Variants in DENND2B observed in about 807,000 individuals in gnomAD.
DENND2B encodes the protein DENN domain-containing protein 2B.
DENND2B carries 32 observed loss-of-function variants against 116.0 expected under a neutral mutation model. The ratio of observed to expected loss-of-function variants is 0.28; its 90% confidence interval spans 0.21 to 0.37. The LOEUF is 0.37. Ranked by LOEUF, DENND2B falls within the 10% of genes least tolerant of loss-of-function variation. DENND2B has a pLI of 1.00. For missense variants in DENND2B, 1,276 were observed against 1,477.7 expected (o/e 0.86, Z 2.24); for synonymous variants, 588 against 583.9 (o/e 1.01, Z -0.10).
chr11:8,856,369 G>A lies in DENND2B; in HGVS notation c.-156+974C>T, dbSNP rs555572956. ...TGCTGACTTTCAAAGTGTTTTGTTA[G>A]AGATGGAAAAAGATTTCTGGGTATG... is the stretch of plus-strand genomic sequence containing the variant. On this transcript the variant is annotated intron_variant, in intron 3 of 6. Transcript: ENST00000524757. Among the ~76,000 whole-genome samples the A allele has an allele frequency of 1.8e-3, 280 of 152,288 alleles. 1 individual carries two copies. Among genetic ancestry groups the A allele is most frequent in the African/African-American group, 6.5e-3 (270 of 41,556 alleles).
chr11:8,816,073 C>T (rs1414236713), intron 4 of DENND2B, among the ~76,000 whole-genome samples: 1 of 152,202 alleles, frequency 6.6e-6, no homozygotes, highest in Non-Finnish European at 1.5e-5. Context: ...TCATTCCTTA[C>T]TTTGGGATCA....
At chr11:8,723,379 G>T (rs1311420571) in intron 4 of DENND2B, among the ~76,000 whole-genome samples, 2 of 152,160 alleles carry the variant, frequency 1.3e-5, no homozygotes, top group Non-Finnish European at 2.9e-5. Context: ...ACCATCCAGG[G>T]CTCTGTTCAG....
At chr11:8,884,605 A>G (rs1331180586) in intron 1 of DENND2B, among the ~76,000 whole-genome samples, 2 of 152,226 alleles carry the variant, frequency 1.3e-5, no homozygotes, top group Non-Finnish European at 2.9e-5. Flanking sequence ...CGATGGTTAC[A>G]GGACCAGGCA....
At chr11:8,889,730 A>G (rs559601526) in intron 1 of DENND2B, among the ~76,000 whole-genome samples, 4 of 152,304 alleles carry the variant, frequency 2.6e-5, no homozygotes, top group Non-Finnish European at 5.9e-5. Flanking sequence ...TGAGTAGGTA[A>G]ACAAAGCGGC....
intron 1 of DENND2B, among the ~76,000 whole-genome samples, chr11:8,760,042 G>C (rs2054325613): frequency 6.6e-6 from 1 of 152,166 alleles, no homozygotes; most frequent in South Asian, 2.1e-4. Context: ...AATTCCTGTG[G>C]AAAAGCTCCC....
At chr11:8,847,560 A>G (rs952910268) in intron 3 of DENND2B, among the ~76,000 whole-genome samples, 1 of 152,230 alleles carries the variant, frequency 6.6e-6, no homozygotes, top group Non-Finnish European at 1.5e-5. Context: ...GCAGTCAAAG[A>G]AAACAAAGCT....
chr11:8,805,030 C>CTTGA (rs1404937705), intron 1 of DENND2B, among the ~76,000 whole-genome samples: 5 of 152,306 alleles, frequency 3.3e-5, no homozygotes, highest in African/African-American at 1.2e-4. Context: ...TTAATCCTTA[C>CTTGA]CACAACTCTA....
chr11:8,740,902 A>G (rs1315101970), intron 2 of DENND2B, among the ~76,000 whole-genome samples: 1 of 152,196 alleles, frequency 6.6e-6, no homozygotes, highest in Non-Finnish European at 1.5e-5. Flanking sequence ...GAGGAGAAAA[A>G]GGAGGAAGAG....
At chr11:8,758,889 C>A (rs757800658) in intron 1 of DENND2B, among the ~76,000 whole-genome samples, 32 of 152,212 alleles carry the variant, frequency 2.1e-4, no homozygotes, top group Non-Finnish European at 3.4e-4. Flanking sequence ...ACGGCATTGG[C>A]AACAGCCACA....
At chr11:8,874,022 G>A (rs1013481140), upstream of DENND2B, among the ~76,000 whole-genome samples, 3 of 152,196 alleles carry the variant, frequency 2.0e-5, no homozygotes, top group South Asian at 2.1e-4. Context: ...TTAGGGGTCT[G>A]AGATATACTT....
intron 1 of DENND2B, among the ~76,000 whole-genome samples, chr11:8,772,535 C>A (rs1192800281): frequency 1.3e-5 from 2 of 152,080 alleles, no homozygotes; most frequent in South Asian, 2.1e-4. Context: ...AGAGAAAAAA[C>A]CCCACACATT....
intron 19 of DENND2B, among the ~76,000 whole-genome samples, chr11:8,695,094 A>C (rs2040127068): frequency 6.6e-6 from 1 of 152,104 alleles, no homozygotes; most frequent in South Asian, 2.1e-4. Context: ...AAAATAAAAT[A>C]ACAAAATTTA....
intron 16 of DENND2B, among the ~76,000 whole-genome samples, chr11:8,698,401 T>C (rs1017147577): frequency 1.3e-5 from 2 of 152,120 alleles, no homozygotes; most frequent in Non-Finnish European, 2.9e-5. Context: ...AGTCCTCAGC[T>C]CCGTCATTGG....
chr11:8,867,893 A>AT (rs2063640920), intron 2 of DENND2B, among the ~76,000 whole-genome samples: 1 of 152,148 alleles, frequency 6.6e-6, no homozygotes, highest in Non-Finnish European at 1.5e-5. Flanking sequence ...AAAATTCAGC[A>AT]TTTTTAAGAA....
Position 8,710,835 on chromosome 11 carries a change from C to A in DENND2B, c.2352+10G>T, listed in dbSNP as rs1384948488. The A allele has an allele frequency of 6.2e-7, 1 of 1,613,430 alleles. No homozygotes were observed. Among genetic ancestry groups the A allele is most frequent in the Non-Finnish European group, 8.5e-7 (1 of 1,179,874 alleles). ...GCCTGCTGGCCTGAGGACCGAATGG[C>A]CTCACTCACCAGTAAGCGCCTGCAG... On this transcript the variant is annotated intron_variant, in intron 11 of 19. Coordinates refer to ENST00000313726, the MANE Select transcript of DENND2B (RefSeq NM_213618.2).
At chr11:8,720,093 C>A (rs2045891072) in intron 4 of DENND2B, among the ~76,000 whole-genome samples, 1 of 151,906 alleles carries the variant, frequency 6.6e-6, no homozygotes, top group South Asian at 2.1e-4. Context: ...CTGGGACGGA[C>A]AGAGGGAAGG....
chr11:8,771,566 A>AGAGAGAGAGAGCGAGC (rs146752028), intron 1 of DENND2B: 5 of 120,310 alleles, frequency 4.2e-5, no homozygotes, highest in Non-Finnish European at 5.4e-5. Context: ...AGAGAGAGAG[A>AGAGAGAGAGAGCGAGC]GCCTTCTTCC....
At chr11:8,871,815 GATTT>G (rs1157380866), upstream of DENND2B, among the ~76,000 whole-genome samples, 7 of 152,290 alleles carry the variant, frequency 4.6e-5, no homozygotes, top group African/African-American at 1.7e-4. Context: ...GAGAATCTGT[GATTT>G]ATTAGTGGAA....
intron 16 of DENND2B, among the ~76,000 whole-genome samples, chr11:8,698,137 CAAAAAAAAAAAAAAAAA>C (rs33975736): frequency 3.3e-4 from 13 of 39,810 alleles, no homozygotes; most frequent in Non-Finnish European, 4.9e-4. Flanking sequence ...ACCCTGTCTC[CAAAAAAAAAAAAAAAAA>C]AAAAAAAAAA....
Sources: gnomAD v4.1 joint callset for allele counts (sites outside exome capture counted in the v4.1 genomes callset) on GRCh38, gnomAD v4.1.1 for gene constraint, MANE v1.5 for transcripts, NCBI Gene and HGNC (gene_info 2026-07-23, HGNC 2026-07-21) for gene names.